RUNX2: variants seen among roughly 807,000 people sequenced by gnomAD.
RUNX2 encodes runt-related transcription factor 2.
Under a neutral mutation model 51.7 loss-of-function variants are expected in RUNX2, and 10 were observed. The observed-to-expected ratio is 0.19, with a 90% CI of 0.12 to 0.33. RUNX2 has a LOEUF of 0.33. RUNX2 is among the 10% of genes least tolerant of loss of function. RUNX2 has a pLI of 1.00. For missense variants in RUNX2, 562 were observed against 691.3 expected (o/e 0.81, Z 2.10); for synonymous variants, 276 against 273.6 (o/e 1.01, Z -0.09).
At chr6:45,363,667 A>C (rs1456748633) in intron 2 of RUNX2, among the ~76,000 whole-genome samples, 1 of 152,022 alleles carries the variant, frequency 6.6e-6, no homozygotes, top group Non-Finnish European at 1.5e-5. Context: ...CTAAACTATA[A>C]TGAAAAAAAT....
Position 45,422,915 on chromosome 6 carries a change from C to T in RUNX2, c.381C>T (p.Pro127=). The T allele has an allele frequency of 6.2e-7, 1 of 1,612,702 alleles. No individual in the cohort carries two copies. The highest frequency in any genetic ancestry group is 8.5e-7 in the Non-Finnish European group (1 of 1,179,678). ...DSPNFLCSVL[P]SHWRCNKTLP... ...CCAACTTCCTGTGCTCGGTGCTGCC[C>T]TCGCACTGGCGCTGCAACAAGACCC... is the stretch of plus-strand genomic sequence containing the variant. Residue 127 remains proline (P), a synonymous_variant, in exon 3 of 9, where the codon CCC becomes CCT. Coordinates refer to ENST00000647337, the MANE Select transcript of RUNX2 (RefSeq NM_001024630.4).
chr6:45,476,870 G>A (rs957585637), intron 5 of RUNX2, among the ~76,000 whole-genome samples: 2 of 152,060 alleles, frequency 1.3e-5, no homozygotes, highest in Non-Finnish European at 2.9e-5. Flanking sequence ...GTATTCTTAT[G>A]CAAGGATGTA....
chr6:45,391,874 A>T (rs1344115168), intron 2 of RUNX2, among the ~76,000 whole-genome samples: 1 of 152,238 alleles, frequency 6.6e-6, no homozygotes, highest in African/African-American at 2.4e-5. Flanking sequence ...GGGGACACAA[A>T]GCCTAAATGT....
At chr6:45,328,598 G>T (rs1786821628) in intron 1 of RUNX2, 63 bp from the exon 2 acceptor site, 1 of 1,601,404 alleles carries the variant, frequency 6.2e-7, no homozygotes, top group Non-Finnish European at 8.5e-7. Context: ...TAAATATAAA[G>T]TCTATGTACT....
chr6:45,399,074 T>A (rs1326591775), intron 2 of RUNX2, among the ~76,000 whole-genome samples: 1 of 152,232 alleles, frequency 6.6e-6, no homozygotes, highest in Admixed American at 6.5e-5. Context: ...TTTGAGTTGC[T>A]GGGACTCAAT....
At chr6:45,513,691 AAGGT>A (rs1382692362) in intron 7 of RUNX2, 1 of 152,168 alleles carries the variant, frequency 6.6e-6, no homozygotes, top group Non-Finnish European at 1.5e-5. Context: ...GGAGAATTGC[AAGGT>A]TTTTTGGAAA....
chr6:45,391,474 T>C (rs980159213), intron 2 of RUNX2, among the ~76,000 whole-genome samples: 1 of 152,216 alleles, frequency 6.6e-6, no homozygotes, highest in Non-Finnish European at 1.5e-5. Context: ...TAAACCTTTT[T>C]TCTTTATAAA....
chr6:45,347,864 A>G (rs572500616), intron 2 of RUNX2, among the ~76,000 whole-genome samples: 106 of 152,272 alleles, frequency 7.0e-4, no homozygotes, highest in African/African-American at 2.5e-3. Context: ...AAAAAATACT[A>G]CATGCCTACT....
intron 3 of RUNX2, among the ~76,000 whole-genome samples, chr6:45,431,020 G>A (rs1034144105): frequency 6.6e-6 from 1 of 152,168 alleles, no homozygotes; most frequent in Non-Finnish European, 1.5e-5. Flanking sequence ...AGGTTAAAGT[G>A]TTATCTCTAG....
Position 45,547,446 on chromosome 6 carries a change from C to T in RUNX2, c.*141C>T, listed in dbSNP as rs954066690. 10 of 732,556 alleles carry T rather than the reference C, an allele frequency of 1.4e-5. No individual in the cohort carries two copies. The highest frequency in any genetic ancestry group is 1.9e-5 in the Non-Finnish European group (8 of 420,882). The allele number at this position is 732,556 out of a possible 1,614,324, so 45.4% of individuals were successfully genotyped here. Reference sequence around the variant, plus strand: ...TATTTTTTAGAAGATTTTTCATTCACTCACTCAGTCATGATCTTGCAGCCA... The same window carrying T: ...TATTTTTTAGAAGATTTTTCATTCATTCACTCAGTCATGATCTTGCAGCCA... On this transcript the variant is annotated 3_prime_UTR_variant, in exon 9 of 9. Coordinates refer to ENST00000647337, the MANE Select transcript of RUNX2 (RefSeq NM_001024630.4).
intron 6 of RUNX2, among the ~76,000 whole-genome samples, chr6:45,510,826 T>C (rs1801120322): frequency 6.6e-6 from 1 of 152,126 alleles, no homozygotes. Context: ...TTTTCTCCTG[T>C]AATTTTCATA....
intron 2 of RUNX2, among the ~76,000 whole-genome samples, chr6:45,360,391 T>C (rs180677248): frequency 1.5e-3 from 227 of 152,314 alleles, no homozygotes; most frequent in African/African-American, 5.2e-3. Context: ...CCCTTGGAAT[T>C]ACAGTATGTT....
At chr6:45,456,760 T>C (rs1478599953) in intron 5 of RUNX2, among the ~76,000 whole-genome samples, 1 of 152,188 alleles carries the variant, frequency 6.6e-6, no homozygotes, top group East Asian at 1.9e-4. Flanking sequence ...TAATATATTC[T>C]GTATTTGCAT....
At chr6:45,542,595 G>T (rs1277955673) in intron 7 of RUNX2, among the ~76,000 whole-genome samples, 1 of 152,168 alleles carries the variant, frequency 6.6e-6, no homozygotes, top group Non-Finnish European at 1.5e-5. Flanking sequence ...TAGCAGATTA[G>T]ATCAACAAGG....
At chr6:45,472,630 C>T (rs889924328) in intron 5 of RUNX2, among the ~76,000 whole-genome samples, 3 of 152,214 alleles carry the variant, frequency 2.0e-5, no homozygotes, top group Admixed American at 6.5e-5. Context: ...GTGGTTAATA[C>T]TGTGCTGGCT....
chr6:45,520,565 A>C (rs1429801930), intron 7 of RUNX2, among the ~76,000 whole-genome samples: 1 of 152,120 alleles, frequency 6.6e-6, no homozygotes, highest in Non-Finnish European at 1.5e-5. Flanking sequence ...TCCCACTTCC[A>C]TGTCAGCCCA....
intron 2 of RUNX2, among the ~76,000 whole-genome samples, chr6:45,401,580 C>T (rs536791772): frequency 6.6e-6 from 1 of 152,232 alleles, no homozygotes; most frequent in Admixed American, 6.5e-5. Flanking sequence ...ATGCGTACCT[C>T]ACAGGGCTGC....
chr6:45,348,879 C>G (rs931203489), intron 2 of RUNX2, among the ~76,000 whole-genome samples: 1 of 152,094 alleles, frequency 6.6e-6, no homozygotes, highest in South Asian at 2.1e-4. Context: ...TTTAGTTCCC[C>G]CATTACACTA....
intron 2 of RUNX2, among the ~76,000 whole-genome samples, chr6:45,417,851 A>G (rs1008350057): frequency 3.3e-5 from 5 of 152,210 alleles, no homozygotes; most frequent in African/African-American, 9.7e-5. Flanking sequence ...TAATTTTTCA[A>G]CTATTTAAAA....
Sources: gnomAD v4.1 joint callset for allele counts (sites outside exome capture counted in the v4.1 genomes callset) on GRCh38, gnomAD v4.1.1 for gene constraint, MANE v1.5 for transcripts, NCBI Gene and HGNC (gene_info 2026-07-23, HGNC 2026-07-21) for gene names.